TAX1BP3: variants seen among roughly 807,000 people sequenced by gnomAD.
TAX1BP3 encodes the protein tax1-binding protein 3.
TAX1BP3 carries 13 observed loss-of-function variants against 15.3 expected under a neutral mutation model. That is an observed-to-expected ratio of 0.85 (90% CI 0.55 to 1.35). The LOEUF is 1.35. TAX1BP3 is among the 40% of genes most tolerant of loss of function. The pLI is 0.00. For synonymous variants in TAX1BP3, 70 were observed against 66.0 expected, an observed-to-expected ratio of 1.06 and a Z score of -0.30; for missense variants, 147 against 169.6, an observed-to-expected ratio of 0.87 and a Z score of 0.74.
rs2076331024 is a variant in TAX1BP3 at position 3,665,569 on chromosome 17, A to G, written c.40-771T>C. 3 of 1,370,768 alleles carry G rather than the reference A, an allele frequency of 2.2e-6. No homozygotes were observed. In the East Asian group the frequency reaches 6.9e-5, roughly 31 times the overall value. The allele number at this position is 1,370,768 out of a possible 1,614,324, so 84.9% of individuals were successfully genotyped here. On this transcript the variant is annotated intron_variant, in intron 1 of 3. Coordinates refer to ENST00000225525, the MANE Select transcript of TAX1BP3 (RefSeq NM_014604.4). Reference sequence around the variant, plus strand: ...GTGAAGGAAAATGATCAGAAAAAGAAAGAAGCCAAAGAGAAAGGTACCTGG... The same window carrying G: ...GTGAAGGAAAATGATCAGAAAAAGAGAGAAGCCAAAGAGAAAGGTACCTGG...
Position 3,664,663 on chromosome 17 carries a change from C to G in TAX1BP3, c.159+16G>C. The stretch of plus-strand genomic sequence containing the variant: ...TGTGCCCCATGGAGCGGTCCCAGGA[C>G]CCCAGACCCCCTCACCTTGTCCGTC... On this transcript the variant is annotated intron_variant, in intron 2 of 3. Coordinates refer to ENST00000225525, the MANE Select transcript of TAX1BP3 (RefSeq NM_014604.4). 4.3e-6 allele frequency: 7 copies of G among 1,613,614 alleles called. No homozygotes were observed. The highest frequency in any genetic ancestry group is 5.9e-6 in the Non-Finnish European group (7 of 1,179,888).
In TAX1BP3 at chr17:3,663,711, A is replaced by G. The variant is rs771511309; in HGVS notation, c.*37T>C. 6.3e-7 allele frequency: 1 copy of G among 1,585,732 alleles called. No individual in the cohort carries two copies. Among genetic ancestry groups the G allele is most frequent in the Non-Finnish European group, 8.6e-7 (1 of 1,168,436 alleles). On this transcript the variant is annotated 3_prime_UTR_variant, in exon 4 of 4. Coordinates refer to ENST00000225525, the MANE Select transcript of TAX1BP3 (RefSeq NM_014604.4). ...GTGTGGAAGTGGCGTTACTGTACAG[A>G]GAGGCGGCAGGCAGGAGTCGCAGAT...
At chr17:3,667,671 G>T (rs1309480955) in intron 1 of TAX1BP3, among the ~76,000 whole-genome samples, 3 of 152,196 alleles carry the variant, frequency 2.0e-5, no homozygotes, top group African/African-American at 7.2e-5. Flanking sequence ...TTCCTGAGGT[G>T]GTCTTTTCTG....
At chr17:3,666,727 TCCTGGTGTTA>T (rs771653425) in intron 1 of TAX1BP3, among the ~76,000 whole-genome samples, 1 of 152,140 alleles carries the variant, frequency 6.6e-6, no homozygotes, top group Non-Finnish European at 1.5e-5. Flanking sequence ...CCAGGCACGT[TCCTGGTGTTA>T]CCAGAATTAG....
At position 3,668,439 on chromosome 17, in the gene TAX1BP3, G is replaced by A. The variant is rs1214776130; in HGVS notation, c.39+49C>T. On this transcript the variant is annotated intron_variant, in intron 1 of 3. Transcript: ENST00000225525. This position sits in a 1 kb window ranked among gnomAD's most constrained non-coding sequence, Gnocchi z 4.1. ...TTGGGGTGTCCGTTTCCCGCTCTGC[G>A]AGGTGGGGTCAGGCCAAGACGAGGA... 1 of 1,596,488 alleles carries A rather than the reference G, an allele frequency of 6.3e-7. No individual in the cohort carries two copies. The highest frequency in any genetic ancestry group is 8.5e-7 in the Non-Finnish European group (1 of 1,172,042).
At position 3,665,742 on chromosome 17, in the gene TAX1BP3, C is replaced by CAGA; in HGVS notation, c.40-945_40-944insTCT. 1.4e-5 allele frequency: 2 copies of CAGA among 140,594 alleles called. 1 individual carries two copies. The highest frequency in any genetic ancestry group is 3.1e-4 in the East Asian group (2 of 6,510). 8.7% of individuals were successfully genotyped at this position (140,594 alleles called of 1,614,324 possible). A position where few individuals can be genotyped will look rare whatever the true frequency, so the allele number is the denominator to read the frequency against. ...AAAAAAATAAAGGATCTCTGGGCTC[C>CAGA]AAAAAAAAAAAAAAAAAAAAAAAGA... is the stretch of plus-strand genomic sequence containing the variant. On this transcript the variant is annotated intron_variant, in intron 1 of 3. Transcript: ENST00000225525.
intron 3 of TAX1BP3, 74 bp from the exon 4 acceptor site, chr17:3,663,959 G>T: frequency 1.3e-6 from 2 of 1,554,684 alleles, no homozygotes; most frequent in East Asian, 2.3e-5. Flanking sequence ...GGCTTTGGGG[G>T]CCCAGGTCAT....
chr17:3,667,204 A>G (rs952067907), intron 1 of TAX1BP3, among the ~76,000 whole-genome samples: 40 of 152,026 alleles, frequency 2.6e-4, no homozygotes, highest in African/African-American at 9.7e-4. Flanking sequence ...TTAGCTGGGC[A>G]TGCTGGTGCA....
Position 3,663,876 on chromosome 17 carries a change from A to G in TAX1BP3, c.247T>C (p.Trp83Arg). The G allele has an allele frequency of 6.2e-7, 1 of 1,608,148 alleles. No individual in the cohort carries two copies. The highest frequency in any genetic ancestry group is 8.5e-7 in the Non-Finnish European group (1 of 1,179,706). Residue 83 changes from tryptophan (W) to arginine (R), a missense_variant, in exon 4 of 4, where the codon TGG (tryptophan) becomes CGG (arginine). Physicochemically the swap from Trp to Arg is moderately radical, Grantham distance 101. Coordinates refer to ENST00000225525, the MANE Select transcript of TAX1BP3 (RefSeq NM_014604.4). ...IGDKIMQVNG[W>R]DMTMVTHDQA... ...TCGTGTGTGACCATGGTCATGTCCC[A>G]GCCGTTCACCTGGCCCCAGGAGAGA...
chr17:3,667,457 C>G (rs2142992238), intron 1 of TAX1BP3, among the ~76,000 whole-genome samples: 1 of 152,200 alleles, frequency 6.6e-6, no homozygotes, highest in East Asian at 1.9e-4. Context: ...GCTCTAAGCT[C>G]AGCCTCACTT....
chr17:3,664,431 G>A (rs1055625681), intron 2 of TAX1BP3, 159 bp from the exon 3 acceptor site: 2 of 1,005,496 alleles, frequency 2.0e-6, no homozygotes, highest in South Asian at 2.9e-5. Context: ...GAGAGCCGGG[G>A]CAGAGTTGCT....
In TAX1BP3 at chr17:3,663,381, A is replaced by C; in HGVS notation, c.*367T>G. The C allele has an allele frequency of 5.3e-6, 1 of 189,132 alleles. No homozygotes were observed. The highest frequency in any genetic ancestry group is 1.1e-5 in the Non-Finnish European group (1 of 92,416). The allele number at this position is 189,132 out of a possible 1,614,324, so 11.7% of individuals were successfully genotyped here. A position where few individuals can be genotyped will look rare whatever the true frequency, so the allele number is the denominator to read the frequency against. ...ACCCTGCAGCCAGGCAAAAGCGGGA[A>C]AGGCCTGGTTCCTCCAGCATTTCCC... On this transcript the variant is annotated 3_prime_UTR_variant, in exon 4 of 4. Transcript: ENST00000225525.
intron 2 of TAX1BP3, 27 bp from the exon 3 acceptor site, chr17:3,664,299 C>T: frequency 6.2e-7 from 1 of 1,613,572 alleles, no homozygotes; most frequent in Non-Finnish European, 8.5e-7. Flanking sequence ...CAAGTCAAGC[C>T]CTGTGGTCAC....
chr17:3,665,740 TCCAA>T (rs1243242801), intron 1 of TAX1BP3: 1,454 of 113,740 alleles, frequency 0.013, 6 homozygotes, highest in Middle Eastern at 0.021. Context: ...ATCTCTGGGC[TCCAA>T]AAAAAAAAAA....
chr17:3,664,381 A>G lies in TAX1BP3; in HGVS notation c.160-109T>C, dbSNP rs953010097. On this transcript the variant is annotated intron_variant, in intron 2 of 3. Transcript: ENST00000225525. ...CAGCCGTCCCTCTGTCCCTGCACCC[A>G]GCCTCTCCCAGCACATATGGTCAGT... 2.3e-6 allele frequency: 3 copies of G among 1,278,510 alleles called. No individual in the cohort carries two copies. In the African/African-American group the frequency reaches 4.4e-5, roughly 19 times the overall value. The allele number at this position is 1,278,510 out of a possible 1,614,324, so 79.2% of individuals were successfully genotyped here.
chr17:3,663,377 G>A lies in TAX1BP3; in HGVS notation c.*371C>T, dbSNP rs529096564. 181 of 187,280 alleles carry A rather than the reference G, an allele frequency of 9.7e-4. No individual in the cohort carries two copies. The highest frequency in any genetic ancestry group is 4.1e-3 in the African/African-American group (176 of 42,998). The allele number at this position is 187,280 out of a possible 1,614,324, so 11.6% of individuals were successfully genotyped here. A position where few individuals can be genotyped will look rare whatever the true frequency, so the allele number is the denominator to read the frequency against. ...CCGAACCCTGCAGCCAGGCAAAAGCGGGAAAGGCCTGGTTCCTCCAGCATT... is the reference window on the plus strand; with the variant it reads ...CCGAACCCTGCAGCCAGGCAAAAGCAGGAAAGGCCTGGTTCCTCCAGCATT... On this transcript the variant is annotated 3_prime_UTR_variant, in exon 4 of 4. Coordinates refer to ENST00000225525, the MANE Select transcript of TAX1BP3 (RefSeq NM_014604.4).
At position 3,667,066 on chromosome 17, in the gene TAX1BP3, G is replaced by T. The variant is rs527783081; in HGVS notation, c.39+1422C>A. 9.9e-5 allele frequency among the ~76,000 whole-genome samples: 15 copies of T among 152,252 alleles called. No homozygotes were observed. The South Asian group carries it at 3.1e-3, about 32-fold the overall frequency. Reference sequence around the variant, plus strand: ...GGATCTAAAAAAGCCAGGCTGGGCCGGGTGTGGTGCCTCACGCCTGTAATC... The same window carrying T: ...GGATCTAAAAAAGCCAGGCTGGGCCTGGTGTGGTGCCTCACGCCTGTAATC... On this transcript the variant is annotated intron_variant, in intron 1 of 3. Transcript: ENST00000225525.
In TAX1BP3 at chr17:3,664,500, G is replaced by A. The variant is rs1000818427; in HGVS notation, c.159+179C>T. The A allele has an allele frequency of 3.0e-5, 30 of 1,010,776 alleles. No individual in the cohort carries two copies. The Middle Eastern group carries it at 8.6e-4, about 29-fold the overall frequency. The allele number at this position is 1,010,776 out of a possible 1,614,324, so 62.6% of individuals were successfully genotyped here. A position where few individuals can be genotyped will look rare whatever the true frequency, so the allele number is the denominator to read the frequency against. The stretch of plus-strand genomic sequence containing the variant: ...CTCCTGCTCCTCCTGGGCTCTGTCT[G>A]AGCAGCCCTTCCTCACCCCACCCGT... On this transcript the variant is annotated intron_variant, in intron 2 of 3. Coordinates refer to ENST00000225525, the MANE Select transcript of TAX1BP3 (RefSeq NM_014604.4).
rs539135020 is a variant in TAX1BP3, at chr17:3,664,338, G to A, written c.160-66C>T. ...ACTGGCCCCTTATCACACAGCGGAAGCCAGCATGGCACATTCTCAGCCGTC... is the reference window on the plus strand; with the variant it reads ...ACTGGCCCCTTATCACACAGCGGAAACCAGCATGGCACATTCTCAGCCGTC... On this transcript the variant is annotated intron_variant, in intron 2 of 3. Transcript: ENST00000225525. The A allele has an allele frequency of 9.5e-6, 15 of 1,575,624 alleles. No homozygotes were observed. The East Asian group carries it at 3.4e-4, about 35-fold the overall frequency.
Sources: allele counts gnomAD v4.1 joint callset (sites outside exome capture counted in the v4.1 genomes callset), GRCh38; gene constraint gnomAD v4.1.1; non-coding constraint Gnocchi (gnomAD v3.1); transcripts MANE v1.5; gene names NCBI Gene and HGNC (gene_info 2026-07-23, HGNC 2026-07-21).